CNTN5: variants seen among roughly 807,000 people sequenced by gnomAD.
The protein encoded by CNTN5 is contactin-5.
Under a neutral mutation model 129.1 loss-of-function variants are expected in CNTN5, and 77 were observed. The ratio of observed to expected loss-of-function variants is 0.60; its 90% CI spans 0.50 to 0.72. CNTN5 has a LOEUF of 0.72. Ranked by LOEUF, CNTN5 falls within the 30% of genes least tolerant of loss-of-function variation. The pLI, the probability that CNTN5 is intolerant of heterozygous loss-of-function variation, is 0.00. For synonymous variants in CNTN5, 509 were observed against 465.6 expected (o/e 1.09, Z -1.20); for missense variants, 1,478 against 1,328.8 (o/e 1.11, Z -1.75).
At chr11:99,628,485 T>A (rs1435738409) in intron 3 of CNTN5, among the ~76,000 whole-genome samples, 1 of 152,000 alleles carries the variant, frequency 6.6e-6, no homozygotes, top group Non-Finnish European at 1.5e-5. Context: ...AAAACTGGTC[T>A]CCCAGTTGGC....
rs144189793 is a variant in CNTN5 at position 99,680,986 on chromosome 11, A to G, written c.55+124717A>G. On this transcript the variant is annotated intron_variant, in intron 3 of 24. Transcript: ENST00000524871. ...AACAAGAGTTTAGAAGTTGATTTCA[A>G]TCATTATGAGTGACTTCAGTGGAAG... is the stretch of plus-strand genomic sequence containing the variant. Among the ~76,000 whole-genome samples, 201 of 152,098 alleles carry G rather than the reference A, an allele frequency of 1.3e-3. 1 individual carries two copies. Among genetic ancestry groups the G allele is most frequent in the African/African-American group, 4.6e-3 (190 of 41,500 alleles).
intron 2 of CNTN5, among the ~76,000 whole-genome samples, chr11:99,329,374 A>G (rs1341617775): frequency 6.6e-6 from 1 of 152,174 alleles, no homozygotes; most frequent in African/African-American, 2.4e-5. Flanking sequence ...CATTTATTTA[A>G]TATTTCCGTT....
At chr11:100,344,663 A>G (rs1014481125) in intron 23 of CNTN5, among the ~76,000 whole-genome samples, 5 of 152,180 alleles carry the variant, frequency 3.3e-5, no homozygotes, top group Admixed American at 2.0e-4. Flanking sequence ...TAGCATAAAC[A>G]ATGATAAATA....
intron 3 of CNTN5, among the ~76,000 whole-genome samples, chr11:99,572,350 G>T (rs1949202202): frequency 6.6e-6 from 1 of 152,226 alleles, no homozygotes; most frequent in East Asian, 1.9e-4. Flanking sequence ...ATGTTGGGCT[G>T]CATTTAAAGC....
chr11:99,623,718 A>G (rs1951031648), intron 3 of CNTN5, among the ~76,000 whole-genome samples: 1 of 150,258 alleles, frequency 6.7e-6, no homozygotes, highest in Non-Finnish European at 1.5e-5. Flanking sequence ...GTGGAGAAAA[A>G]GAATGTTTAG....
intron 1 of CNTN5, among the ~76,000 whole-genome samples, chr11:99,248,313 G>GT (rs1161700144): frequency 1.3e-5 from 2 of 151,982 alleles, no homozygotes; most frequent in Non-Finnish European, 2.9e-5. Context: ...GGGGTTGTTT[G>GT]TTTTTTTCTT....
intron 17 of CNTN5, among the ~76,000 whole-genome samples, chr11:100,260,337 C>G (rs893208956): frequency 6.6e-6 from 1 of 152,120 alleles, no homozygotes; most frequent in African/African-American, 2.4e-5. Context: ...CAGGACCAGA[C>G]AGATTCACAG....
chr11:99,636,804 A>G (rs1951573571), intron 3 of CNTN5, among the ~76,000 whole-genome samples: 1 of 151,442 alleles, frequency 6.6e-6, no homozygotes, highest in Non-Finnish European at 1.5e-5. Context: ...GGACGAGATC[A>G]GGAGATCAGG....
chr11:99,254,326 C>T (rs958975210), intron 1 of CNTN5, among the ~76,000 whole-genome samples: 2 of 151,910 alleles, frequency 1.3e-5, no homozygotes, highest in African/African-American at 4.8e-5. Flanking sequence ...TGATGTATTG[C>T]TTTCACGAAA....
chr11:99,240,689 C>A (rs1476802524), intron 1 of CNTN5, among the ~76,000 whole-genome samples: 1 of 152,062 alleles, frequency 6.6e-6, no homozygotes, highest in Non-Finnish European at 1.5e-5. Flanking sequence ...CAATGCTGAA[C>A]CCTGGATAAA....
chr11:99,826,932 G>GA (rs1946979037), intron 4 of CNTN5, among the ~76,000 whole-genome samples: 1 of 152,034 alleles, frequency 6.6e-6, no homozygotes, highest in Admixed American at 6.6e-5. Flanking sequence ...ATTTATAAAG[G>GA]AAAAAACTGA....
chr11:99,378,189 G>A (rs972292454), intron 2 of CNTN5, among the ~76,000 whole-genome samples: 40 of 151,984 alleles, frequency 2.6e-4, no homozygotes, highest in African/African-American at 9.2e-4. Context: ...TTGGACTCGT[G>A]GTCTTCTGAA....
chr11:99,556,400 G>A (rs148332690), intron 3 of CNTN5, 131 bp downstream of exon 3: 91 of 496,550 alleles, frequency 1.8e-4, no homozygotes, highest in African/African-American at 1.6e-3. Flanking sequence ...TTTCCAACAA[G>A]AGAAAGGCAG....
At chr11:99,679,108 AATAT>A (rs1272635423) in intron 3 of CNTN5, among the ~76,000 whole-genome samples, 3 of 147,590 alleles carry the variant, frequency 2.0e-5, no homozygotes, top group South Asian at 4.2e-4. Context: ...ATATATAGGA[AATAT>A]ATATATGTAT....
chr11:99,267,047 G>T (rs1862932971), intron 1 of CNTN5, among the ~76,000 whole-genome samples: 1 of 151,986 alleles, frequency 6.6e-6, no homozygotes, highest in Admixed American at 6.6e-5. Flanking sequence ...AAAAAAAAAG[G>T]TTGGGAGTAT....
At chr11:99,329,745 T>C (rs564175114) in intron 2 of CNTN5, among the ~76,000 whole-genome samples, 2 of 152,240 alleles carry the variant, frequency 1.3e-5, no homozygotes, top group African/African-American at 4.8e-5. Context: ...AAAACTAGGA[T>C]TGACTCTGTG....
At chr11:99,433,141 C>A (rs1161563272) in intron 2 of CNTN5, among the ~76,000 whole-genome samples, 6 of 152,032 alleles carry the variant, frequency 3.9e-5, no homozygotes, top group Admixed American at 6.6e-5. Context: ...ATTTACCTCA[C>A]TTCCCAGCCC....
chr11:99,788,500 T>G (rs1019486330), intron 3 of CNTN5, among the ~76,000 whole-genome samples: 2 of 151,950 alleles, frequency 1.3e-5, no homozygotes, highest in African/African-American at 2.4e-5. Flanking sequence ...GTCATTCCCT[T>G]TTGTAATGAG....
intron 3 of CNTN5, among the ~76,000 whole-genome samples, chr11:99,737,260 C>G (rs927261647): frequency 3.3e-5 from 5 of 152,116 alleles, no homozygotes; most frequent in African/African-American, 1.2e-4. Flanking sequence ...TCAACTTACT[C>G]TAAATAACTT....
Sources: allele counts gnomAD v4.1 joint callset (sites outside exome capture counted in the v4.1 genomes callset), GRCh38; gene constraint gnomAD v4.1.1; transcripts MANE v1.5; gene names NCBI Gene and HGNC (gene_info 2026-07-23, HGNC 2026-07-21).